PRKAG2: variants seen among roughly 807,000 people sequenced by gnomAD.
PRKAG2 encodes 5'-AMP-activated protein kinase subunit gamma-2.
In PRKAG2, 26 loss-of-function variants were observed where a neutral mutation model predicts 69.6. That is an observed-to-expected ratio of 0.37 (90% CI 0.27 to 0.52). The LOEUF (loss-of-function observed/expected upper bound fraction) is 0.52, where lower values mean the gene tolerates loss of function less well. PRKAG2 is among the 20% of genes least tolerant of loss of function. The pLI, the probability that PRKAG2 is intolerant of heterozygous loss-of-function variation, is 0.90. For synonymous variants in PRKAG2, 293 were observed against 285.0 expected (o/e 1.03, Z -0.28); for missense variants, 557 against 740.0 (o/e 0.75, Z 2.87).
intron 1 of PRKAG2, among the ~76,000 whole-genome samples, chr7:151,857,209 AGATGAGAGC>A (rs1340788174): frequency 3.3e-5 from 5 of 150,000 alleles, no homozygotes; most frequent in Non-Finnish European, 5.9e-5. Flanking sequence ...ACGGTGTGGG[AGATGAGAGC>A]CAGAAAAGGT....
chr7:151,690,364 C>T (rs1435813075), intron 3 of PRKAG2, among the ~76,000 whole-genome samples: 4 of 152,126 alleles, frequency 2.6e-5, no homozygotes, highest in African/African-American at 9.7e-5. Flanking sequence ...CTGGAAAGCC[C>T]CCTGCCCCCT....
rs957589163 is a variant in PRKAG2 at position 151,651,869 on chromosome 7, C to A, written c.685-19731G>T. 2.6e-5 allele frequency among the ~76,000 whole-genome samples: 4 copies of A among 151,522 alleles called. No individual in the cohort carries two copies. In the South Asian group the frequency reaches 8.3e-4, roughly 31 times the overall value. On this transcript the variant is annotated intron_variant, in intron 4 of 15. Transcript: ENST00000287878. ...TAAACAGTGAAACTCATAAAGGCAG[C>A]GAGTAGAATGGAGGTTCCAGAGACT...
chr7:151,558,049 G>GA (rs1392133436), intron 15 of PRKAG2: 1 of 985,236 alleles, frequency 1.0e-6, no homozygotes, highest in Non-Finnish European at 1.2e-6. Flanking sequence ...CTAGACCCCT[G>GA]AAAGAGATCG....
At chr7:151,592,994 C>T (rs749201848) in intron 6 of PRKAG2, among the ~76,000 whole-genome samples, 92 of 152,220 alleles carry the variant, frequency 6.0e-4, no homozygotes, top group Admixed American at 1.8e-3. Context: ...ACAGGATAAA[C>T]GGCTTCCCGG....
chr7:151,726,180 G>A (rs1425068921), intron 3 of PRKAG2, among the ~76,000 whole-genome samples: 1 of 152,116 alleles, frequency 6.6e-6, no homozygotes, highest in Non-Finnish European at 1.5e-5. Flanking sequence ...GGGCGCTGGG[G>A]ACTGCCCATC....
chr7:151,736,383 CT>C (rs34632609), intron 3 of PRKAG2: 45,958 of 889,162 alleles, frequency 0.052, 36 homozygotes, highest in African/African-American at 0.055. Flanking sequence ...CTCTCCAGGG[CT>C]TTTTTTTTTT....
In PRKAG2 at chr7:151,835,783, C is replaced by T. The variant is rs2079132937; in HGVS notation, c.114+40724G>A. Among the ~76,000 whole-genome samples, 1 of 152,196 alleles carries T rather than the reference C, an allele frequency of 6.6e-6. No homozygotes were observed. The highest frequency in any genetic ancestry group is 1.5e-5 in the Non-Finnish European group (1 of 68,032). ...CTGGATCGGACATCCCGGGGGCTCT[C>T]GTGGGCAGCCTGGTGATGCCAGGAG... On this transcript the variant is annotated intron_variant, in intron 1 of 15. Transcript: ENST00000287878. This position sits in a 1 kb window ranked among gnomAD's most constrained non-coding sequence, Gnocchi z 4.1.
intron 1 of PRKAG2, among the ~76,000 whole-genome samples, chr7:151,819,788 G>C (rs535711120): frequency 2.0e-5 from 3 of 152,310 alleles, no homozygotes; most frequent in East Asian, 3.9e-4. Context: ...ATGTGGGATG[G>C]GGCCCCAGAG....
At chr7:151,560,380 A>G in intron 15 of PRKAG2, 144 bp downstream of exon 15, 2 of 1,563,524 alleles carry the variant, frequency 1.3e-6, no homozygotes, top group Non-Finnish European at 1.7e-6. Context: ...AACTGAAGAG[A>G]AAACGAAAAT....
intron 1 of PRKAG2, among the ~76,000 whole-genome samples, chr7:151,873,960 A>G (rs1003626507): frequency 6.7e-6 from 1 of 148,358 alleles, no homozygotes; most frequent in Non-Finnish European, 1.5e-5. Context: ...TGTCTGATGT[A>G]TATGTATATG....
chr7:151,706,058 A>G (rs1838549316), intron 3 of PRKAG2, among the ~76,000 whole-genome samples: 1 of 152,188 alleles, frequency 6.6e-6, no homozygotes, highest in Non-Finnish European at 1.5e-5. Context: ...TACCCTGCAA[A>G]GCATGTTGAA....
At chr7:151,758,411 T>C (rs1197047825) in intron 3 of PRKAG2, among the ~76,000 whole-genome samples, 1 of 152,258 alleles carries the variant, frequency 6.6e-6, no homozygotes, top group African/African-American at 2.4e-5. Context: ...TGTTATGAGA[T>C]AAATGTGTCA....
chr7:151,638,153 G>A lies in PRKAG2; in HGVS notation c.685-6015C>T, dbSNP rs978523102. ...GGGCCAACCATGGCAGGGAGGAACTGGGTTCTGCTAACAGCCTGGCACAGT... is the reference window on the plus strand; with the variant it reads ...GGGCCAACCATGGCAGGGAGGAACTAGGTTCTGCTAACAGCCTGGCACAGT... On this transcript the variant is annotated intron_variant, in intron 4 of 15. Transcript: ENST00000287878. The surrounding 1 kb of genome is among the most constrained non-coding windows in gnomAD (Gnocchi z 4.3). 1.3e-5 allele frequency among the ~76,000 whole-genome samples: 2 copies of A among 152,130 alleles called. No homozygotes were observed. The highest frequency in any genetic ancestry group is 2.9e-5 in the Non-Finnish European group (2 of 68,016).
chr7:151,582,926 G>C (rs1810830693), intron 6 of PRKAG2, among the ~76,000 whole-genome samples: 1 of 152,198 alleles, frequency 6.6e-6, no homozygotes, highest in African/African-American at 2.4e-5. Flanking sequence ...AGTATTTGAA[G>C]ATGTTCAGTA....
chr7:151,799,259 C>G (rs1395459064), intron 1 of PRKAG2, among the ~76,000 whole-genome samples: 5 of 152,202 alleles, frequency 3.3e-5, no homozygotes, highest in African/African-American at 1.2e-4. Flanking sequence ...GTGACTCAGC[C>G]AGAACCAAAT....
intron 4 of PRKAG2, among the ~76,000 whole-genome samples, chr7:151,660,330 A>G (rs1830125982): frequency 6.6e-6 from 1 of 152,194 alleles, no homozygotes; most frequent in East Asian, 1.9e-4. Context: ...GAGCAGGCAA[A>G]TGACTCAGAA....
At chr7:151,576,097 G>A (rs957194463) in intron 7 of PRKAG2, 1 of 444,022 alleles carries the variant, frequency 2.3e-6, no homozygotes, top group East Asian at 4.7e-5. Flanking sequence ...TCAGCCTCCT[G>A]AGTAGCTAAT....
chr7:151,774,230 A>G (rs2151787997), intron 3 of PRKAG2, among the ~76,000 whole-genome samples: 1 of 152,228 alleles, frequency 6.6e-6, no homozygotes, highest in Non-Finnish European at 1.5e-5. Context: ...TGTTAGTGAA[A>G]GACTACGGCA....
chr7:151,578,552 G>A (rs905148694), intron 6 of PRKAG2, among the ~76,000 whole-genome samples: 3 of 152,200 alleles, frequency 2.0e-5, no homozygotes, highest in Admixed American at 2.0e-4. Flanking sequence ...GACTACTGGT[G>A]CGTTGAGGGA....
Sources: gnomAD v4.1 joint callset for allele counts (sites outside exome capture counted in the v4.1 genomes callset) on GRCh38, gnomAD v4.1.1 for gene constraint, Gnocchi (gnomAD v3.1) non-coding constraint, MANE v1.5 for transcripts, NCBI Gene and HGNC (gene_info 2026-07-23, HGNC 2026-07-21) for gene names.